Variants in NBAS observed in about 807,000 individuals in gnomAD.
NBAS encodes NBAS subunit of NRZ tethering complex.
A neutral mutation model predicts 302.5 loss-of-function variants in NBAS; 219 were observed. The ratio of observed to expected loss-of-function variants is 0.72; its 90% confidence interval spans 0.65 to 0.81. The LOEUF is 0.81. Among genes scored for constraint, NBAS ranks in the 30% least tolerant of loss-of-function variants. The pLI is 0.00. For synonymous variants in NBAS, 1,118 were observed against 1,021.6 expected (o/e 1.09, Z -1.80); for missense variants, 2,932 against 2,841.6 (o/e 1.03, Z -0.72).
chr2:15,554,139 C>G lies in NBAS; in HGVS notation c.210-1G>C. 1 of 1,612,634 alleles carries G rather than the reference C, an allele frequency of 6.2e-7. No homozygotes were observed. The highest frequency in any genetic ancestry group is 8.5e-7 in the Non-Finnish European group (1 of 1,179,064). ...ATCAGGGAGCAAAAAAGGTGCCGGG[C>G]TGAAATCACAACACATTAGTTAGCT... On this transcript the variant is annotated splice_acceptor_variant, in intron 3 of 51. Transcript: ENST00000281513. LOFTEE classifies it high-confidence loss of function.
chr2:15,187,390 T>C (rs184653067), intron 49 of NBAS, among the ~76,000 whole-genome samples: 225 of 152,268 alleles, frequency 1.5e-3, no homozygotes, highest in African/African-American at 4.9e-3. Flanking sequence ...TTATTACTAT[T>C]ATTATCATTG....
chr2:15,516,177 C>G (rs1045622539), intron 9 of NBAS, among the ~76,000 whole-genome samples: 5 of 152,246 alleles, frequency 3.3e-5, no homozygotes, highest in African/African-American at 1.2e-4. Flanking sequence ...CATGCCAATT[C>G]CTCTTAATTT....
chr2:15,093,250 T>C, the NBAS span, among the ~76,000 whole-genome samples: 1 of 152,116 alleles, frequency 6.6e-6, no homozygotes, highest in Non-Finnish European at 1.5e-5. Flanking sequence ...ACCCCGTCTC[T>C]ACTAAAAATA....
chr2:14,814,749 A>G, the NBAS span, among the ~76,000 whole-genome samples: 1 of 152,112 alleles, frequency 6.6e-6, no homozygotes, highest in African/African-American at 2.4e-5. Context: ...GCATGATTGT[A>G]TTTTGCAATG....
At chr2:14,830,714 T>C in the NBAS span, among the ~76,000 whole-genome samples, 1 of 152,154 alleles carries the variant, frequency 6.6e-6, no homozygotes, top group Non-Finnish European at 1.5e-5. Flanking sequence ...TTTGCATGAA[T>C]GAAAAACAAA....
intron 48 of NBAS, among the ~76,000 whole-genome samples, chr2:15,197,222 G>A (rs1665666587): frequency 6.6e-6 from 1 of 152,154 alleles, no homozygotes; most frequent in East Asian, 1.9e-4. Flanking sequence ...TGGCTATTAG[G>A]TAGGACTGTA....
chr2:14,926,493 T>C, the NBAS span, among the ~76,000 whole-genome samples: 1 of 152,132 alleles, frequency 6.6e-6, no homozygotes, highest in South Asian at 2.1e-4. Context: ...CTGGTACTTG[T>C]GTAGATAAGT....
intron 48 of NBAS, among the ~76,000 whole-genome samples, chr2:15,192,701 A>G (rs1665420662): frequency 6.6e-6 from 1 of 152,136 alleles, no homozygotes; most frequent in South Asian, 2.1e-4. Context: ...CTCTGTCTAC[A>G]TGAGAGTTTA....
chr2:15,177,012 T>C (rs911376004), intron 51 of NBAS, among the ~76,000 whole-genome samples: 5 of 152,246 alleles, frequency 3.3e-5, no homozygotes, highest in African/African-American at 7.2e-5. Context: ...GCTAGCCTAA[T>C]GTGAGCATTC....
the NBAS span, among the ~76,000 whole-genome samples, chr2:14,964,815 G>T: frequency 6.6e-6 from 1 of 152,008 alleles, no homozygotes; most frequent in Non-Finnish European, 1.5e-5. Flanking sequence ...AAAATTAAAA[G>T]GATTTAAGTC....
In NBAS at chr2:15,513,256, C is replaced by T. The variant is rs1343571612; in HGVS notation, c.747-1906G>A. Among the ~76,000 whole-genome samples, 6 of 152,174 alleles carry T rather than the reference C, an allele frequency of 3.9e-5. No individual in the cohort carries two copies. In the South Asian group the frequency reaches 6.2e-4, roughly 16 times the overall value. On this transcript the variant is annotated intron_variant, in intron 9 of 51. Transcript: ENST00000281513. ...AAATTGGAAGTAAAAAACTTTGAGA[C>T]GATGCCTTGAAGCAACCTATTTTGG... is the stretch of plus-strand genomic sequence containing the variant.
chr2:14,834,710 T>C, the NBAS span, among the ~76,000 whole-genome samples: 1 of 152,060 alleles, frequency 6.6e-6, no homozygotes, highest in Non-Finnish European at 1.5e-5. Context: ...CTTTCATCCC[T>C]GCATCTTTAA....
intron 40 of NBAS, among the ~76,000 whole-genome samples, chr2:15,306,716 CT>C (rs1671050670): frequency 6.6e-6 from 1 of 150,534 alleles, no homozygotes; most frequent in South Asian, 2.1e-4. Flanking sequence ...TAACCCTTAT[CT>C]TTCAGTATTC....
At chr2:14,964,895 T>C in the NBAS span, among the ~76,000 whole-genome samples, 1 of 152,118 alleles carries the variant, frequency 6.6e-6, no homozygotes, top group South Asian at 2.1e-4. Flanking sequence ...TCTTTCAATA[T>C]TGCCACATAT....
chr2:15,541,278 G>A lies in NBAS; in HGVS notation c.380-1922C>T, dbSNP rs148052434. 3.1e-3 allele frequency among the ~76,000 whole-genome samples: 471 copies of A among 152,182 alleles called. 2 individuals carry two copies. Among genetic ancestry groups the A allele is most frequent in the African/African-American group, 0.011 (437 of 41,532 alleles). ...TGTCTTATTCAACATTCTATTCCCA[G>A]GACCTGGAATTCAAAGTGATTAATG... On this transcript the variant is annotated intron_variant, in intron 6 of 51. Transcript: ENST00000281513.
chr2:15,112,760 C>T, the NBAS span, among the ~76,000 whole-genome samples: 4 of 2,508 alleles, frequency 1.6e-3, no homozygotes, highest in Admixed American at 6.5e-3. Flanking sequence ...AAATATAAAC[C>T]GAATTTCAAG....
chr2:15,052,257 C>T, the NBAS span, among the ~76,000 whole-genome samples: 1 of 152,174 alleles, frequency 6.6e-6, no homozygotes, highest in Non-Finnish European at 1.5e-5. Flanking sequence ...TTCAGTGGGA[C>T]ATTTATGACT....
chr2:14,953,377 C>T, the NBAS span, among the ~76,000 whole-genome samples: 1 of 152,152 alleles, frequency 6.6e-6, no homozygotes, highest in African/African-American at 2.4e-5. Context: ...GGAAAGGATC[C>T]ACATTCATTT....
intron 45 of NBAS, among the ~76,000 whole-genome samples, chr2:15,237,521 AT>A (rs1050751365): frequency 6.6e-6 from 1 of 151,218 alleles, no homozygotes; most frequent in African/African-American, 2.4e-5. Flanking sequence ...GCTATTTCTG[AT>A]TTTTTTTCTG....
Sources: gnomAD v4.1 joint callset for allele counts (sites outside exome capture counted in the v4.1 genomes callset) on GRCh38, gnomAD v4.1.1 for gene constraint, MANE v1.5 for transcripts, NCBI Gene and HGNC (gene_info 2026-07-23, HGNC 2026-07-21) for gene names.